The following DMTF1 variants were observed in gnomAD, a reference collection of about 807,000 sequenced individuals.
The protein encoded by DMTF1 is cyclin-D-binding Myb-like transcription factor 1.
In DMTF1, 39 loss-of-function variants were observed where a neutral mutation model predicts 91.1. The observed-to-expected ratio is 0.43, with a 90% CI of 0.33 to 0.56. The LOEUF is 0.56. Ranked by LOEUF, DMTF1 falls within the 20% of genes least tolerant of loss-of-function variation. The probability of loss-of-function intolerance (pLI) is 0.05; values close to 1 mark genes in which losing one functional copy is unlikely to be tolerated. For synonymous variants in DMTF1, 338 were observed against 309.5 expected (o/e 1.09, Z -0.97); for missense variants, 750 against 914.5 (o/e 0.82, Z 2.32).
chr7:87,167,273 G>C (rs1220793314), intron 4 of DMTF1, among the ~76,000 whole-genome samples: 1 of 152,152 alleles, frequency 6.6e-6, no homozygotes, highest in Non-Finnish European at 1.5e-5. Context: ...AGATCATTTA[G>C]AGTAGACTGG....
chr7:87,174,567 A>G (rs1795836780), intron 6 of DMTF1, 26 bp from the exon 7 acceptor site: 4 of 1,484,792 alleles, frequency 2.7e-6, no homozygotes, highest in African/African-American at 2.8e-5. Flanking sequence ...AACATTTTTT[A>G]TAACATTACT....
intron 1 of DMTF1, chr7:87,155,699 G>A (rs1187324523): frequency 1.3e-5 from 2 of 152,114 alleles, no homozygotes; most frequent in Non-Finnish European, 2.9e-5. Context: ...AGGTAGATAA[G>A]TTTAAATAAA....
chr7:87,180,917 A>G (rs958877874), intron 8 of DMTF1, among the ~76,000 whole-genome samples: 11 of 138,998 alleles, frequency 7.9e-5, no homozygotes, highest in Non-Finnish European at 1.4e-4. Flanking sequence ...GTACAGTGGC[A>G]TGATCTTGGC....
chr7:87,193,479 A>T, intron 15 of DMTF1, 126 bp downstream of exon 15: 2 of 985,402 alleles, frequency 2.0e-6, no homozygotes, highest in South Asian at 3.1e-5. Context: ...GCACAGTGTT[A>T]TACACCATCA....
intron 16 of DMTF1, chr7:87,194,474 A>ACTAGGAACATCATCC: frequency 1.9e-6 from 1 of 516,892 alleles, no homozygotes; most frequent in Non-Finnish European, 3.4e-6. Flanking sequence ...CAGCTGACCT[A>ACTAGGAACATCATCC]TAACTGACCT....
intron 1 of DMTF1, among the ~76,000 whole-genome samples, chr7:87,156,982 T>TA (rs1188206726): frequency 2.0e-5 from 3 of 152,130 alleles, no homozygotes; most frequent in Non-Finnish European, 1.5e-5. Flanking sequence ...ATGCTCCTGA[T>TA]ACAGTAAGTA....
In DMTF1 at chr7:87,193,315, C is replaced by G. The variant is rs1345340775; in HGVS notation, c.1612C>G (p.Pro538Ala). ...CACAGTAACCCTGACAGCTGCTGCTCCTGCTTCTCCTGAACAGATTATTGT... is the reference window on the plus strand; with the variant it reads ...CACAGTAACCCTGACAGCTGCTGCTGCTGCTTCTCCTGAACAGATTATTGT... Reference protein sequence around the residue: ...SPTVTLTAAAPASPEQIIVHA... With the variant: ...SPTVTLTAAAAASPEQIIVHA... The change falls in exon 15 of 18, where the codon CCT becomes GCT. Residue 538 changes from proline to alanine, a missense_variant. Coordinates refer to ENST00000331242, the MANE Select transcript of DMTF1 (RefSeq NM_001142327.2). 1 of 1,613,396 alleles carries G rather than the reference C, an allele frequency of 6.2e-7. No homozygotes were observed. Among genetic ancestry groups the G allele is most frequent in the Non-Finnish European group, 8.5e-7 (1 of 1,179,538 alleles).
At chr7:87,190,858 G>A in intron 13 of DMTF1, 87 bp from the exon 14 acceptor site, 3 of 1,087,358 alleles carry the variant, frequency 2.8e-6, no homozygotes, top group Admixed American at 5.1e-5. Context: ...TTGCCTTTAT[G>A]ATAATTGAGT....
At chr7:87,158,743 C>G (rs971556973) in intron 1 of DMTF1, among the ~76,000 whole-genome samples, 25 of 152,010 alleles carry the variant, frequency 1.6e-4, no homozygotes, top group Admixed American at 1.3e-3. Context: ...TTGTACATTT[C>G]ACTGTATTTC....
At chr7:87,184,842 T>C in intron 11 of DMTF1, 1 of 656,234 alleles carries the variant, frequency 1.5e-6, no homozygotes, top group Non-Finnish European at 2.8e-6. Context: ...TCATGCAAAG[T>C]ACCAGATTGA....
chr7:87,168,848 C>T (rs894809898), intron 4 of DMTF1, among the ~76,000 whole-genome samples: 1 of 152,138 alleles, frequency 6.6e-6, no homozygotes, highest in East Asian at 1.9e-4. Context: ...TCATTTGTCC[C>T]GAAACTTGCA....
chr7:87,186,345 T>TGTCG (rs1798428487), intron 12 of DMTF1: 1 of 177,616 alleles, frequency 5.6e-6, no homozygotes, highest in East Asian at 1.6e-4. Flanking sequence ...ACCTTAAACC[T>TGTCG]GTCGGCTCAA....
chr7:87,195,876 GAGGA>G lies in DMTF1; in HGVS notation c.*743_*746del, dbSNP rs1584504199. 6.6e-6 allele frequency: 1 copy of G among 152,446 alleles called. No individual in the cohort carries two copies. Among genetic ancestry groups the G allele is most frequent in the African/African-American group, 2.4e-5 (1 of 41,388 alleles). The allele number at this position is 152,446 out of a possible 1,614,324, so 9.4% of individuals were successfully genotyped here. A position where few individuals can be genotyped will look rare whatever the true frequency, so the allele number is the denominator to read the frequency against. ...TTAGCACTTTGAAGTAAAACTAAAT[GAGGA>G]AGGAAGTAATGTTACCTATCCTTGA... On this transcript the variant is annotated 3_prime_UTR_variant, in exon 18 of 18. Transcript: ENST00000331242.
At chr7:87,188,036 TA>T in intron 12 of DMTF1, 55 bp from the exon 13 acceptor site, 2 of 1,440,862 alleles carry the variant, frequency 1.4e-6, no homozygotes, top group Non-Finnish European at 2.0e-6. Context: ...CCTTGCTGCT[TA>T]GATGGTGGTC....
intron 1 of DMTF1, among the ~76,000 whole-genome samples, chr7:87,154,838 G>A (rs1056547225): frequency 2.6e-5 from 4 of 152,064 alleles, no homozygotes; most frequent in Middle Eastern, 3.2e-3. Context: ...GATAGTGTAT[G>A]TATTTTATAA....
rs748998934 is a variant in DMTF1, at chr7:87,173,519, C to T, written c.328-16C>T. On this transcript the variant is annotated splice_polypyrimidine_tract_variant and intron_variant, in intron 5 of 17. Transcript: ENST00000331242. ...TTTTGTTTTGTTTTGTTTTGTTTTA[C>T]TTTTACCTTTTCAAGATTTTGCAGA... 3 of 1,534,970 alleles carry T rather than the reference C, an allele frequency of 2.0e-6. No homozygotes were observed. Among genetic ancestry groups the T allele is most frequent in the East Asian group, 2.3e-5 (1 of 43,396 alleles).
rs73705084 is a variant in DMTF1, at chr7:87,164,904, A to T, written c.-8-30A>T. ...CTTCATATTTGGGAATAATTTTTGA[A>T]ATCCTGATCTGGAATCTGTTCTTGT... On this transcript the variant is annotated intron_variant, in intron 2 of 17. Coordinates refer to ENST00000331242, the MANE Select transcript of DMTF1 (RefSeq NM_001142327.2). The T allele has an allele frequency of 3.0e-3, 4,107 of 1,384,406 alleles. 120 individuals are homozygous for T. In the African/African-American group the frequency reaches 0.053, roughly 18 times the overall value. 85.8% of individuals were successfully genotyped at this position (1,384,406 alleles called of 1,614,324 possible). A position where few individuals can be genotyped will look rare whatever the true frequency, so the allele number is the denominator to read the frequency against.
intron 17 of DMTF1, 43 bp from the exon 18 acceptor site, chr7:87,194,988 G>C: frequency 6.5e-7 from 1 of 1,529,804 alleles, no homozygotes; most frequent in Non-Finnish European, 9.0e-7. Flanking sequence ...ATGGATTAGA[G>C]AATAAATATA....
chr7:87,152,843 A>G (rs974136589), intron 1 of DMTF1: 1 of 155,456 alleles, frequency 6.4e-6, no homozygotes, highest in African/African-American at 2.4e-5. Flanking sequence ...CGGGGGCGGA[A>G]AATGGCGGCG....
Sources: allele counts gnomAD v4.1 joint callset (sites outside exome capture counted in the v4.1 genomes callset), GRCh38; gene constraint gnomAD v4.1.1; transcripts MANE v1.5; gene names NCBI Gene and HGNC (gene_info 2026-07-23, HGNC 2026-07-21).